Variants in CMIP observed in about 807,000 individuals in gnomAD.
CMIP encodes the protein C-Maf-inducing protein.
A neutral mutation model predicts 97.3 loss-of-function variants in CMIP; 13 were observed. The observed-to-expected ratio is 0.13, with a 90% CI of 0.09 to 0.21. The LOEUF is 0.21. Ranked by LOEUF, CMIP falls within the 10% of genes least tolerant of loss-of-function variation. The pLI, the probability that CMIP is intolerant of heterozygous loss-of-function variation, is 1.00. For missense variants in CMIP, 847 were observed against 1,024.9 expected (o/e 0.83, Z 2.37); for synonymous variants, 538 against 436.3 (o/e 1.23, Z -2.91).
intron 3 of CMIP, among the ~76,000 whole-genome samples, chr16:81,648,116 T>C (rs1278748000): frequency 2.6e-5 from 4 of 151,112 alleles, no homozygotes; most frequent in African/African-American, 7.3e-5. Context: ...TTCTGGATCT[T>C]GTCCTTGTGT....
chr16:81,470,293 C>T (rs952068132), intron 1 of CMIP, among the ~76,000 whole-genome samples: 1 of 145,420 alleles, frequency 6.9e-6, no homozygotes, highest in Admixed American at 6.8e-5. Context: ...GTGCCCCATC[C>T]AGGCGCCCCG....
chr16:81,571,943 C>A (rs746148593), intron 1 of CMIP, among the ~76,000 whole-genome samples: 2 of 152,220 alleles, frequency 1.3e-5, no homozygotes, highest in African/African-American at 2.4e-5. Context: ...CCCCACCCAG[C>A]TGCCCTCAGC....
chr16:81,643,538 C>G (rs571255307), intron 3 of CMIP, among the ~76,000 whole-genome samples: 3 of 152,250 alleles, frequency 2.0e-5, no homozygotes, highest in African/African-American at 7.2e-5. Context: ...ACCTGTAATC[C>G]TAGCACTTTA....
chr16:81,600,930 T>C (rs986453145), intron 1 of CMIP, among the ~76,000 whole-genome samples: 2 of 149,394 alleles, frequency 1.3e-5, no homozygotes, highest in African/African-American at 4.8e-5. Flanking sequence ...CGTTTCTCCT[T>C]TGGGGCCCCA....
chr16:81,613,977 C>G (rs979912655), intron 2 of CMIP, among the ~76,000 whole-genome samples: 1 of 152,174 alleles, frequency 6.6e-6, no homozygotes, highest in African/African-American at 2.4e-5. Context: ...TTCCTGACCT[C>G]CCAGAGCCCA....
At chr16:81,634,984 A>G (rs1049193796) in intron 3 of CMIP, among the ~76,000 whole-genome samples, 17 of 152,194 alleles carry the variant, frequency 1.1e-4, no homozygotes, top group Non-Finnish European at 1.5e-4. Context: ...TATCAGGCCC[A>G]AAGGAAACAG....
At chr16:81,666,142 C>T (rs896135010) in intron 7 of CMIP, 2 of 152,198 alleles carry the variant, frequency 1.3e-5, no homozygotes, top group Admixed American at 6.5e-5. Flanking sequence ...GGAGCTCTTT[C>T]TGGCTTTGGC....
At chr16:81,607,759 T>A in intron 2 of CMIP, 67 bp downstream of exon 2, 13 of 1,543,134 alleles carry the variant, frequency 8.4e-6, no homozygotes, top group Non-Finnish European at 1.1e-5. Flanking sequence ...GCCCCTCGTT[T>A]CCCTTGGAGG....
chr16:81,533,160 A>T (rs1038585319), intron 1 of CMIP, among the ~76,000 whole-genome samples: 5 of 152,182 alleles, frequency 3.3e-5, no homozygotes, highest in African/African-American at 1.2e-4. Flanking sequence ...ATATGTTATC[A>T]TCTGACAGAC....
intron 3 of CMIP, among the ~76,000 whole-genome samples, chr16:81,636,510 G>A (rs951043325): frequency 2.6e-5 from 4 of 151,634 alleles, no homozygotes; most frequent in Admixed American, 2.0e-4. Context: ...GAACCCAGGG[G>A]GCAGAGGTTG....
At chr16:81,473,427 G>C (rs538021407) in intron 1 of CMIP, among the ~76,000 whole-genome samples, 5 of 151,634 alleles carry the variant, frequency 3.3e-5, no homozygotes, top group Non-Finnish European at 5.9e-5. Context: ...ACAGTGGTGC[G>C]TTTTTGAATT....
chr16:81,588,940 C>T (rs2150916062), intron 1 of CMIP, among the ~76,000 whole-genome samples: 1 of 152,206 alleles, frequency 6.6e-6, no homozygotes, highest in Non-Finnish European at 1.5e-5. Flanking sequence ...AGTCTCACAG[C>T]CTGTAAGAGG....
At chr16:81,447,334 G>T (rs1045559460) in intron 1 of CMIP, among the ~76,000 whole-genome samples, 1 of 151,934 alleles carries the variant, frequency 6.6e-6, no homozygotes, top group African/African-American at 2.4e-5. Flanking sequence ...CCATGGGAAG[G>T]CCAGGAGGAG....
chr16:81,697,072 C>T (rs527784132), intron 14 of CMIP: 1 of 227,958 alleles, frequency 4.4e-6, no homozygotes, highest in East Asian at 1.3e-4. Context: ...CACTGCAGGT[C>T]CACCAGCTTG....
intron 1 of CMIP, among the ~76,000 whole-genome samples, chr16:81,467,706 G>A (rs998290812): frequency 2.0e-5 from 3 of 150,464 alleles, no homozygotes; most frequent in Non-Finnish European, 4.4e-5. Flanking sequence ...TCTACCTCTC[G>A]AGTAGCTGGG....
chr16:81,709,911 T>G lies in CMIP; in HGVS notation c.*112T>G. 1.9e-6 allele frequency: 1 copy of G among 525,442 alleles called. No homozygotes were observed. 32.5% of individuals were successfully genotyped at this position (525,442 alleles called of 1,614,324 possible). ...CCACCCTGGTGCCCTGGCTGTGAGA[T>G]AGATGGGGAGTCTTTCTGGGGGCGG... On this transcript the variant is annotated 3_prime_UTR_variant, in exon 21 of 21. Transcript: ENST00000537098.
At chr16:81,598,761 G>C (rs184811406) in intron 1 of CMIP, among the ~76,000 whole-genome samples, 2 of 152,090 alleles carry the variant, frequency 1.3e-5, no homozygotes, top group Admixed American at 1.3e-4. Context: ...GAGGTCAGGC[G>C]TTTGAGACCA....
At chr16:81,584,585 G>T (rs934660104) in intron 1 of CMIP, among the ~76,000 whole-genome samples, 9 of 152,208 alleles carry the variant, frequency 5.9e-5, no homozygotes, top group Admixed American at 2.0e-4. Context: ...TCTGTTAAGA[G>T]TGTGCCCGTG....
intron 1 of CMIP, among the ~76,000 whole-genome samples, chr16:81,564,386 A>G (rs1597567703): frequency 6.6e-6 from 1 of 152,322 alleles, no homozygotes; most frequent in East Asian, 1.9e-4. Context: ...TGTCTTTACG[A>G]GTGTGTGTTA....
Sources: allele counts gnomAD v4.1 joint callset (sites outside exome capture counted in the v4.1 genomes callset), GRCh38; gene constraint gnomAD v4.1.1; transcripts MANE v1.5; gene names NCBI Gene and HGNC (gene_info 2026-07-23, HGNC 2026-07-21).